Variants in CTNND2 observed in about 807,000 individuals in gnomAD.
CTNND2 encodes catenin delta 2, also known as catenin delta-2.
CTNND2 carries 22 observed loss-of-function variants against 144.4 expected under a neutral mutation model. The ratio of observed to expected loss-of-function variants is 0.15; its 90% CI spans 0.11 to 0.22. The LOEUF (loss-of-function observed/expected upper bound fraction) is 0.22. Ranked by LOEUF, CTNND2 falls within the 10% of genes least tolerant of loss-of-function variation. The probability of loss-of-function intolerance (pLI) is 1.00; values close to 1 mark genes in which losing one functional copy is unlikely to be tolerated. For missense variants in CTNND2, 1,353 were observed against 1,618.8 expected (o/e 0.84, Z 2.82); for synonymous variants, 751 against 695.6 (o/e 1.08, Z -1.25).
intron 7 of CTNND2, among the ~76,000 whole-genome samples, chr5:11,378,865 G>T (rs1287294080): frequency 1.3e-5 from 2 of 152,094 alleles, no homozygotes; most frequent in Non-Finnish European, 2.9e-5. Context: ...AAACAGTAAA[G>T]ATTCAGCATT....
intron 10 of CTNND2, among the ~76,000 whole-genome samples, chr5:11,212,494 C>T (rs1033409641): frequency 7.9e-5 from 12 of 152,326 alleles, no homozygotes; most frequent in Non-Finnish European, 1.5e-4. Flanking sequence ...AGGGAAAGGA[C>T]AGGCATCAGT....
chr5:11,253,174 T>G (rs1743846139), intron 9 of CTNND2, among the ~76,000 whole-genome samples: 1 of 152,194 alleles, frequency 6.6e-6, no homozygotes, highest in East Asian at 1.9e-4. Flanking sequence ...TCTCCTTTTC[T>G]TTTCTTTCAT....
At chr5:11,171,268 A>AATC (rs1759875429) in intron 11 of CTNND2, among the ~76,000 whole-genome samples, 2 of 152,150 alleles carry the variant, frequency 1.3e-5, no homozygotes. Context: ...TGGTTACAGA[A>AATC]ATCTCCCATG....
chr5:11,430,165 G>A (rs1336220538), intron 3 of CTNND2, among the ~76,000 whole-genome samples: 2 of 146,800 alleles, frequency 1.4e-5, no homozygotes, highest in Non-Finnish European at 3.0e-5. Context: ...CAGGAGAATT[G>A]CTTGAAACCC....
intron 14 of CTNND2, among the ~76,000 whole-genome samples, chr5:11,109,744 G>A (rs1752769146): frequency 6.6e-6 from 1 of 152,070 alleles, no homozygotes; most frequent in Non-Finnish European, 1.5e-5. Flanking sequence ...AAGGCCATTT[G>A]CAAAGATTAC....
At chr5:11,510,230 C>T (rs1228664961) in intron 3 of CTNND2, among the ~76,000 whole-genome samples, 1 of 152,178 alleles carries the variant, frequency 6.6e-6, no homozygotes, top group East Asian at 1.9e-4. Context: ...GAATGAGCCA[C>T]TGTCCCATAC....
intron 10 of CTNND2, among the ~76,000 whole-genome samples, chr5:11,233,716 C>CTCTGTGTGTG (rs1339002182): frequency 2.0e-5 from 3 of 148,236 alleles, no homozygotes; most frequent in African/African-American, 7.5e-5. Context: ...GTTTACGTGT[C>CTCTGTGTGTG]TGTGTGTGTG....
chr5:11,657,837 T>C (rs1199933137), intron 2 of CTNND2, among the ~76,000 whole-genome samples: 3 of 152,102 alleles, frequency 2.0e-5, no homozygotes, highest in Non-Finnish European at 4.4e-5. Flanking sequence ...AAGTTGTACA[T>C]GTACCCCCGA....
At chr5:11,713,023 C>A (rs1281484443) in intron 2 of CTNND2, among the ~76,000 whole-genome samples, 1 of 152,066 alleles carries the variant, frequency 6.6e-6, no homozygotes, top group Non-Finnish European at 1.5e-5. Context: ...ATGGTATGTA[C>A]ACAGTGCTGC....
At chr5:11,121,838 G>A (rs190536929) in intron 12 of CTNND2, among the ~76,000 whole-genome samples, 1 of 152,182 alleles carries the variant, frequency 6.6e-6, no homozygotes, top group Non-Finnish European at 1.5e-5. Flanking sequence ...GAAAACCAAG[G>A]AATGAGATAT....
chr5:11,771,584 C>G (rs893825216), intron 1 of CTNND2, among the ~76,000 whole-genome samples: 2 of 152,034 alleles, frequency 1.3e-5, no homozygotes, highest in Non-Finnish European at 2.9e-5. Context: ...TACAATGTTG[C>G]TTTATCACAT....
At chr5:11,476,038 T>C (rs1350465821) in intron 3 of CTNND2, among the ~76,000 whole-genome samples, 3 of 149,522 alleles carry the variant, frequency 2.0e-5, no homozygotes, top group Non-Finnish European at 4.5e-5. Context: ...TTTTCTATTT[T>C]TTTTTTTTTT....
intron 1 of CTNND2, among the ~76,000 whole-genome samples, chr5:11,884,191 T>A (rs1294447126): frequency 6.6e-6 from 1 of 152,218 alleles, no homozygotes; most frequent in Non-Finnish European, 1.5e-5. Context: ...TTAGATCCCA[T>A]TTGTCAATTT....
chr5:11,680,177 C>T (rs112229468), intron 2 of CTNND2, among the ~76,000 whole-genome samples: 3,418 of 152,162 alleles, frequency 0.022, 46 homozygotes, highest in East Asian at 0.056. Context: ...AGGGAGAAGG[C>T]CAGAGCAGGG....
At chr5:11,473,632 A>G (rs1767449765) in intron 3 of CTNND2, among the ~76,000 whole-genome samples, 1 of 152,246 alleles carries the variant, frequency 6.6e-6, no homozygotes, top group African/African-American at 2.4e-5. Context: ...AAAGATGTTC[A>G]TATCAAGGAA....
intron 5 of CTNND2, among the ~76,000 whole-genome samples, chr5:11,408,435 C>CT (rs1761258979): frequency 3.3e-5 from 5 of 152,080 alleles, no homozygotes; most frequent in Admixed American, 3.3e-4. Context: ...GCAAATGGTT[C>CT]TTAAGAATAA....
chr5:11,902,748 C>G (rs963854886), intron 1 of CTNND2, among the ~76,000 whole-genome samples: 3 of 151,892 alleles, frequency 2.0e-5, no homozygotes, highest in Middle Eastern at 3.2e-3. Context: ...AGAGCTAAGG[C>G]GAATCAGATC....
intron 9 of CTNND2, among the ~76,000 whole-genome samples, chr5:11,254,099 G>C (rs760927269): frequency 6.6e-6 from 1 of 152,108 alleles, no homozygotes; most frequent in Non-Finnish European, 1.5e-5. Context: ...TTGAAACATT[G>C]GATTTTTAAA....
chr5:11,647,890 T>C (rs535695455), intron 2 of CTNND2, among the ~76,000 whole-genome samples: 1 of 152,172 alleles, frequency 6.6e-6, no homozygotes, highest in Non-Finnish European at 1.5e-5. Flanking sequence ...AAATCCAGGT[T>C]TCTGTCCTCA....
Sources: gnomAD v4.1 joint callset for allele counts (sites outside exome capture counted in the v4.1 genomes callset) on GRCh38, gnomAD v4.1.1 for gene constraint, MANE v1.5 for transcripts, NCBI Gene and HGNC (gene_info 2026-07-23, HGNC 2026-07-21) for gene names.